HPS5: variants seen among roughly 807,000 people sequenced by gnomAD.
HPS5 encodes the protein HPS5 biogenesis of lysosomal organelles complex 2 subunit 2.
Under a neutral mutation model 128.0 loss-of-function variants are expected in HPS5, and 83 were observed. The ratio of observed to expected loss-of-function variants is 0.65; its 90% CI spans 0.54 to 0.78. The LOEUF is 0.78. Ranked by LOEUF, HPS5 falls within the 30% of genes least tolerant of loss-of-function variation. The probability of loss-of-function intolerance (pLI) is 0.00; values close to 1 mark genes in which losing one functional copy is unlikely to be tolerated. For synonymous variants in HPS5, 475 were observed against 470.2 expected (o/e 1.01, Z -0.13); for missense variants, 1,281 against 1,326.2 (o/e 0.97, Z 0.53).
intron 3 of HPS5, 110 bp downstream of exon 3, chr11:18,311,804 C>A (rs776463331): frequency 1.1e-6 from 1 of 908,788 alleles, no homozygotes; most frequent in Non-Finnish European, 1.8e-6. Context: ...AGACACCGCA[C>A]CAAGCCAAGT....
At chr11:18,311,818 A>T in intron 3 of HPS5, 96 bp downstream of exon 3, 1 of 980,428 alleles carries the variant, frequency 1.0e-6, no homozygotes, top group Non-Finnish European at 1.7e-6. Context: ...GCCAAGTTCT[A>T]CATTCTTTTA....
chr11:18,302,723 A>G (rs545070982), intron 8 of HPS5, among the ~76,000 whole-genome samples: 1 of 150,368 alleles, frequency 6.7e-6, no homozygotes, highest in Admixed American at 6.6e-5. Context: ...CTATCCCTAC[A>G]GGAAAGTAAT....
chr11:18,289,178 A>T (rs1244131051), intron 16 of HPS5, among the ~76,000 whole-genome samples: 1 of 152,182 alleles, frequency 6.6e-6, no homozygotes, highest in Non-Finnish European at 1.5e-5. Flanking sequence ...TTTCTGATAC[A>T]TGCTTTTTTA....
At chr11:18,289,018 G>C (rs1048000767) in intron 16 of HPS5, among the ~76,000 whole-genome samples, 1 of 152,052 alleles carries the variant, frequency 6.6e-6, no homozygotes, top group Non-Finnish European at 1.5e-5. Flanking sequence ...GTAGAGACGG[G>C]GTCTTGCTAC....
intron 9 of HPS5, 109 bp downstream of exon 9, chr11:18,300,719 A>ATT: frequency 3.6e-6 from 2 of 551,122 alleles, no homozygotes; most frequent in Non-Finnish European, 6.5e-6. Context: ...AAAAAAAAAA[A>ATT]AGTCATCCCA....
At chr11:18,284,540 C>G (rs1859434701) in intron 20 of HPS5, among the ~76,000 whole-genome samples, 1 of 152,188 alleles carries the variant, frequency 6.6e-6, no homozygotes, top group Admixed American at 6.5e-5. Context: ...ACTTTCATTA[C>G]ACAATTTTTG....
At chr11:18,281,867 T>C in intron 22 of HPS5, 83 bp downstream of exon 22, 2 of 1,506,486 alleles carry the variant, frequency 1.3e-6, no homozygotes, top group Non-Finnish European at 1.8e-6. Flanking sequence ...CGGGACTAAA[T>C]GATCTCCACA....
chr11:18,293,743 C>G (rs75525892), intron 14 of HPS5, among the ~76,000 whole-genome samples: 4,894 of 152,086 alleles, frequency 0.032, 265 homozygotes, highest in African/African-American at 0.11. Context: ...TATTATTTGT[C>G]TCACAAAAAA....
At chr11:18,281,041 C>CA (rs1044511858) in intron 22 of HPS5, among the ~76,000 whole-genome samples, 88 of 143,336 alleles carry the variant, frequency 6.1e-4, no homozygotes, top group African/African-American at 1.8e-3. Flanking sequence ...TATTATACCA[C>CA]AAAAAAAAAT....
intron 16 of HPS5, among the ~76,000 whole-genome samples, 195 bp downstream of exon 16, chr11:18,291,247 C>CTT (rs569695149): frequency 5.3e-5 from 8 of 152,146 alleles, no homozygotes; most frequent in South Asian, 2.1e-4. Flanking sequence ...AAACTAATTT[C>CTT]TTATAATCCA....
In HPS5 at chr11:18,291,564, A is replaced by G. The variant is rs774127949; in HGVS notation, c.2318T>C (p.Leu773Pro). The change falls in exon 16 of 23, where the codon CTG (leucine) becomes CCG (proline). Residue 773 changes from leucine (L) to proline (P), a missense_variant. Coordinates refer to ENST00000349215, the MANE Select transcript of HPS5 (RefSeq NM_181507.2). ...HTLQQYSPEI[L>P]ACQFLKKYFF... ...GTACTTCTTCAGGAACTGGCAAGCCAGAATTTCAGGAGAGTACTGTTGCAA... is the reference window on the plus strand; with the variant it reads ...GTACTTCTTCAGGAACTGGCAAGCCGGAATTTCAGGAGAGTACTGTTGCAA... The G allele has an allele frequency of 1.1e-5, 18 of 1,611,246 alleles. No individual in the cohort carries two copies. In the African/African-American group the frequency reaches 2.4e-4, roughly 22 times the overall value.
At chr11:18,284,638 C>G (rs547659962) in intron 20 of HPS5, among the ~76,000 whole-genome samples, 170 of 152,160 alleles carry the variant, frequency 1.1e-3, no homozygotes, top group Admixed American at 3.3e-3. Context: ...TGTCACCCAC[C>G]ACCTGGCCAG....
chr11:18,298,822 A>T lies in HPS5; in HGVS notation c.1134T>A (p.Cys378Ter), dbSNP rs1403155629. ...TGGCAATGACAGAATTTTGGAAAAG[A>T]CAGCATGTACGAGCAGCCAAGTTCC... ...GLWNLAARTC[C>*]LFQNSVIASR... The change falls in exon 10 of 23, where the codon TGT becomes TGA. Residue 378 changes from cysteine (C) to a stop codon, truncating the protein, a stop_gained. Transcript: ENST00000349215. LOFTEE classifies it high-confidence loss of function. 1.9e-6 allele frequency: 3 copies of T among 1,614,226 alleles called. No homozygotes were observed. In the East Asian group the frequency reaches 6.7e-5, roughly 36 times the overall value.
intron 8 of HPS5, among the ~76,000 whole-genome samples, chr11:18,303,763 A>G (rs940370673): frequency 6.6e-6 from 1 of 151,642 alleles, no homozygotes; most frequent in African/African-American, 2.4e-5. Context: ...CTGAGGCAGG[A>G]GAATTGCTAG....
chr11:18,321,575 C>T (rs1011252554), intron 1 of HPS5, among the ~76,000 whole-genome samples: 3 of 152,230 alleles, frequency 2.0e-5, no homozygotes, highest in African/African-American at 7.2e-5. Context: ...CAAATCTCAT[C>T]TTTCCATTAT....
chr11:18,284,824 T>C (rs961161383), intron 20 of HPS5, among the ~76,000 whole-genome samples: 9 of 152,184 alleles, frequency 5.9e-5, no homozygotes, highest in Non-Finnish European at 8.8e-5. Context: ...AAGTGTGACA[T>C]GGATAATAAG....
intron 7 of HPS5, among the ~76,000 whole-genome samples, 190 bp downstream of exon 7, chr11:18,305,945 G>C (rs1862308343): frequency 6.6e-6 from 1 of 152,114 alleles, no homozygotes; most frequent in Non-Finnish European, 1.5e-5. Flanking sequence ...CGTTAGTCAG[G>C]ATGGTCTCGA....
chr11:18,309,738 T>C (rs946308665), intron 5 of HPS5, among the ~76,000 whole-genome samples: 3 of 152,182 alleles, frequency 2.0e-5, no homozygotes, highest in Non-Finnish European at 4.4e-5. Context: ...CAGTGGCTCA[T>C]GTCTGTAATC....
rs1349718868 is a variant in HPS5, at chr11:18,279,037, A to G, written c.*845T>C. The G allele has an allele frequency of 6.6e-6, 1 of 152,246 alleles. No homozygotes were observed. The highest frequency in any genetic ancestry group is 1.5e-5 in the Non-Finnish European group (1 of 68,046). The allele number at this position is 152,246 out of a possible 1,614,324, so 9.4% of individuals were successfully genotyped here. On this transcript the variant is annotated 3_prime_UTR_variant, in exon 23 of 23. Transcript: ENST00000349215. Reference sequence around the variant, plus strand: ...TCAGATTAGAAAATATTAAATAAATACAGGGAAAAATATTTTTAATTAGCT... The same window carrying G: ...TCAGATTAGAAAATATTAAATAAATGCAGGGAAAAATATTTTTAATTAGCT...
Sources: allele counts gnomAD v4.1 joint callset (sites outside exome capture counted in the v4.1 genomes callset), GRCh38; gene constraint gnomAD v4.1.1; transcripts MANE v1.5; gene names NCBI Gene and HGNC (gene_info 2026-07-23, HGNC 2026-07-21).